Variants in KCNQ1 observed in about 807,000 individuals in gnomAD.
KCNQ1 encodes the protein potassium voltage-gated channel subfamily Q member 1.
KCNQ1 carries 49 observed loss-of-function variants against 72.4 expected under a neutral mutation model. The ratio of observed to expected loss-of-function variants is 0.68; its 90% confidence interval spans 0.54 to 0.86. KCNQ1 has a LOEUF of 0.86. Among genes scored for constraint, KCNQ1 ranks in the 40% least tolerant of loss-of-function variants. KCNQ1 has a pLI of 0.00. For missense variants in KCNQ1, 790 were observed against 945.1 expected (o/e 0.84, Z 2.15); for synonymous variants, 450 against 412.6 (o/e 1.09, Z -1.10).
At position 2,533,133 on chromosome 11, in the gene KCNQ1, A is replaced by G. The variant is rs541421177; in HGVS notation, c.477+5115A>G. Reference sequence around the variant, plus strand: ...AAATGTTGGGGGAAAAAATGGATCAAAGCGATGTGTTCCCAGGGAGCCCCT... The same window carrying G: ...AAATGTTGGGGGAAAAAATGGATCAGAGCGATGTGTTCCCAGGGAGCCCCT... On this transcript the variant is annotated intron_variant, in intron 2 of 15. Coordinates refer to ENST00000155840, the MANE Select transcript of KCNQ1 (RefSeq NM_000218.3). Among the ~76,000 whole-genome samples the G allele has an allele frequency of 2.0e-5, 3 of 152,336 alleles. No homozygotes were observed. The South Asian group carries it at 6.2e-4, about 32-fold the overall frequency.
intron 10 of KCNQ1, among the ~76,000 whole-genome samples, chr11:2,590,138 C>T (rs1460698309): frequency 6.6e-6 from 1 of 152,186 alleles, no homozygotes; most frequent in Non-Finnish European, 1.5e-5. Context: ...TTTTTCTGTC[C>T]TCTGAGCCCA....
intron 15 of KCNQ1, among the ~76,000 whole-genome samples, chr11:2,799,583 G>A (rs542277797): frequency 7.6e-4 from 116 of 152,088 alleles, no homozygotes; most frequent in African/African-American, 2.6e-3. Context: ...GTGTGAGTGT[G>A]GTGTGTATAT....
intron 11 of KCNQ1, among the ~76,000 whole-genome samples, chr11:2,719,727 ATTGG>A (rs1851171595): frequency 6.6e-6 from 1 of 152,182 alleles, no homozygotes; most frequent in African/African-American, 2.4e-5. Context: ...ATTTGGGGAA[ATTGG>A]CACCTGTGTT....
intron 10 of KCNQ1, chr11:2,650,349 A>T (rs1849738102): frequency 2.5e-6 from 1 of 398,382 alleles, no homozygotes; most frequent in South Asian, 1.3e-4. Flanking sequence ...TTGTGTCCCC[A>T]AGTTGATATC....
chr11:2,626,092 T>A lies in KCNQ1; in HGVS notation c.1394-35869T>A, dbSNP rs971647785. The A allele has an allele frequency of 1.8e-5, 7 of 398,540 alleles. No homozygotes were observed. The highest frequency in any genetic ancestry group is 3.1e-5 in the Non-Finnish European group (7 of 226,072). 24.7% of individuals were successfully genotyped at this position (398,540 alleles called of 1,614,324 possible). A position where few individuals can be genotyped will look rare whatever the true frequency, so the allele number is the denominator to read the frequency against. ...GCCTGTGCAAGTACAATTTATCTATTTTTACTTTTATTGCCTGTGCCTTTG... is the reference window on the plus strand; with the variant it reads ...GCCTGTGCAAGTACAATTTATCTATATTTACTTTTATTGCCTGTGCCTTTG... On this transcript the variant is annotated intron_variant, in intron 10 of 15. Transcript: ENST00000155840. This position sits in a 1 kb window ranked among gnomAD's most constrained non-coding sequence, Gnocchi z 4.0.
intron 11 of KCNQ1, chr11:2,696,116 T>C (rs1185694665): frequency 2.5e-6 from 1 of 398,554 alleles, no homozygotes; most frequent in Non-Finnish European, 4.4e-6. Context: ...CCATAATCAT[T>C]AATGCATTCA....
In KCNQ1 at chr11:2,787,541, A is replaced by G. The variant is rs1406813301; in HGVS notation, c.1794+9504A>G. Among the ~76,000 whole-genome samples, 1 of 152,212 alleles carries G rather than the reference A, an allele frequency of 6.6e-6. No individual in the cohort carries two copies. The highest frequency in any genetic ancestry group is 1.5e-5 in the Non-Finnish European group (1 of 68,046). On this transcript the variant is annotated intron_variant, in intron 15 of 15. Transcript: ENST00000155840. The surrounding 1 kb of genome is among the most constrained non-coding windows in gnomAD (Gnocchi z 6.3). ...CAGATATCATTTTAAATTTTCTAATAGCCACTTTTTTAATTTAAAAGAAAT... is the reference window on the plus strand; with the variant it reads ...CAGATATCATTTTAAATTTTCTAATGGCCACTTTTTTAATTTAAAAGAAAT...
intron 15 of KCNQ1, among the ~76,000 whole-genome samples, chr11:2,820,157 A>C (rs1282504916): frequency 6.6e-6 from 1 of 152,072 alleles, no homozygotes; most frequent in Non-Finnish European, 1.5e-5. Flanking sequence ...TCTTGAGTTG[A>C]AAGCTTAGCA....
chr11:2,582,329 G>T (rs993101339), intron 6 of KCNQ1, among the ~76,000 whole-genome samples: 1 of 152,238 alleles, frequency 6.6e-6, no homozygotes, highest in African/African-American at 2.4e-5. Context: ...GGTGGCCCAG[G>T]GACCCTGGTC....
intron 1 of KCNQ1, among the ~76,000 whole-genome samples, chr11:2,485,720 C>T (rs1296618583): frequency 6.6e-6 from 1 of 152,134 alleles, no homozygotes; most frequent in Non-Finnish European, 1.5e-5. Flanking sequence ...CTGGCACCTA[C>T]CATTTACCTT....
At position 2,566,127 on chromosome 11, in the gene KCNQ1, G is replaced by A. The variant is rs780199599; in HGVS notation, c.478-4501G>A. 6.6e-6 allele frequency among the ~76,000 whole-genome samples: 1 copy of A among 152,164 alleles called. No homozygotes were observed. The highest frequency in any genetic ancestry group is 1.5e-5 in the Non-Finnish European group (1 of 68,022). On this transcript the variant is annotated intron_variant, in intron 2 of 15. Transcript: ENST00000155840. The surrounding 1 kb of genome is among the most constrained non-coding windows in gnomAD (Gnocchi z 6.7). Reference sequence around the variant, plus strand: ...TCCCCTGGCAGGGCTGGAGGCTCTGGAGTCTCTCTTGGTTACCCTCTCTCT... The same window carrying A: ...TCCCCTGGCAGGGCTGGAGGCTCTGAAGTCTCTCTTGGTTACCCTCTCTCT...
chr11:2,454,390 C>A (rs550713204), intron 1 of KCNQ1, among the ~76,000 whole-genome samples: 1 of 152,106 alleles, frequency 6.6e-6, no homozygotes, highest in South Asian at 2.1e-4. Context: ...AGTAGTCCCT[C>A]AAAATTGAAA....
At chr11:2,622,939 G>A in intron 10 of KCNQ1, 1 of 398,524 alleles carries the variant, frequency 2.5e-6, no homozygotes, top group Non-Finnish European at 4.4e-6. Context: ...ACATTCTGTG[G>A]GTTTCTACAA....
chr11:2,609,703 A>G (rs543440181), intron 10 of KCNQ1: 2 of 398,170 alleles, frequency 5.0e-6, no homozygotes, highest in Admixed American at 4.4e-5. Flanking sequence ...TTAGTTCTCT[A>G]TTGTTAGGTG....
chr11:2,838,857 C>T (rs1848141806), intron 15 of KCNQ1, among the ~76,000 whole-genome samples: 1 of 152,162 alleles, frequency 6.6e-6, no homozygotes, highest in Admixed American at 6.5e-5. Flanking sequence ...GAGGGGGCAG[C>T]TCAGGAGGCA....
chr11:2,621,317 GT>G lies in KCNQ1; in HGVS notation c.1393+32470del. On this transcript the variant is annotated intron_variant, in intron 10 of 15. Coordinates refer to ENST00000155840, the MANE Select transcript of KCNQ1 (RefSeq NM_000218.3). The surrounding 1 kb of genome is among the most constrained non-coding windows in gnomAD (Gnocchi z 5.7). The stretch of plus-strand genomic sequence containing the variant: ...TCTGATTATTAGTGATCATGAGAAT[GT>G]TTTTTTGTTTGGCTACTTCTGTATT... The G allele has an allele frequency of 5.0e-6, 2 of 398,436 alleles. No individual in the cohort carries two copies. Among genetic ancestry groups the G allele is most frequent in the Non-Finnish European group, 8.8e-6 (2 of 226,008 alleles). 24.7% of individuals were successfully genotyped at this position (398,436 alleles called of 1,614,324 possible). A position where few individuals can be genotyped will look rare whatever the true frequency, so the allele number is the denominator to read the frequency against.
chr11:2,791,215 G>C (rs1220426446), intron 15 of KCNQ1, among the ~76,000 whole-genome samples: 1 of 152,238 alleles, frequency 6.6e-6, no homozygotes, highest in Non-Finnish European at 1.5e-5. Context: ...GCCCGAGCAG[G>C]ACGGTGGCCG....
intron 2 of KCNQ1, among the ~76,000 whole-genome samples, chr11:2,546,673 CTTTA>C (rs1025066184): frequency 6.6e-5 from 10 of 151,082 alleles, no homozygotes; most frequent in Admixed American, 4.6e-4. Flanking sequence ...TATTTACATT[CTTTA>C]TTTTTCATTT....
chr11:2,513,378 G>A (rs1197038016), intron 1 of KCNQ1, among the ~76,000 whole-genome samples: 1 of 152,168 alleles, frequency 6.6e-6, no homozygotes, highest in Non-Finnish European at 1.5e-5. Context: ...TGGGGCAGCT[G>A]TTTGCCCTGT....
Sources: gnomAD v4.1 joint callset for allele counts (sites outside exome capture counted in the v4.1 genomes callset) on GRCh38, gnomAD v4.1.1 for gene constraint, Gnocchi (gnomAD v3.1) non-coding constraint, MANE v1.5 for transcripts, NCBI Gene and HGNC (gene_info 2026-07-23, HGNC 2026-07-21) for gene names.